Variants in ZBED6 observed in about 807,000 individuals in gnomAD.
ZBED6 encodes the protein zinc finger BED-type containing 6, also known as zinc finger BED domain-containing protein 6.
ZBED6 carries 40 observed loss-of-function variants against 58.4 expected under a neutral mutation model. The observed-to-expected ratio is 0.68, with a 90% confidence interval of 0.53 to 0.89. ZBED6 has a LOEUF of 0.89. ZBED6 is among the 40% of genes least tolerant of loss of function. The pLI is 0.00. For missense variants in ZBED6, 1,057 were observed against 1,003.9 expected, an observed-to-expected ratio of 1.05 and a Z score of -0.71; for synonymous variants, 439 against 350.6, an observed-to-expected ratio of 1.25 and a Z score of -2.82.
chr1:203,840,934 A>C (rs1168814272), intron 11 of ZBED6, among the ~76,000 whole-genome samples: 1 of 152,128 alleles, frequency 6.6e-6, no homozygotes, highest in Non-Finnish European at 1.5e-5. Flanking sequence ...GCACCCGGCT[A>C]AATAGTAGGA....
chr1:203,819,560 G>A (rs1355492562), intron 3 of ZBED6, among the ~76,000 whole-genome samples: 1 of 77,008 alleles, frequency 1.3e-5, no homozygotes, highest in Non-Finnish European at 2.6e-5. Flanking sequence ...TTGAGACAGA[G>A]TTTTGCTCTT....
intron 10 of ZBED6, among the ~76,000 whole-genome samples, chr1:203,838,352 AAC>A (rs1685018344): frequency 6.6e-6 from 1 of 152,250 alleles, no homozygotes; most frequent in South Asian, 2.1e-4. Context: ...GTGTTATGGT[AAC>A]ACATAGGAGA....
Position 203,798,371 on chromosome 1 carries a change from T to A in ZBED6, c.849T>A (p.Ala283=). Residue 283 remains alanine (A), a synonymous_variant, in exon 1 of 17, where the codon GCT becomes GCA. Coordinates refer to ENST00000550078, the Ensembl canonical transcript of ZBED6. ...CTGATCCTCAGCACATCTCAAGAGC[T>A]GTGTGTAATATATGTAAAAGAAGTG... The A allele has an allele frequency of 2.0e-6, 3 of 1,535,240 alleles. No individual in the cohort carries two copies. The South Asian group carries it at 3.6e-5, about 18-fold the overall frequency.
chr1:203,848,689 C>T (rs954469382), intron 13 of ZBED6, among the ~76,000 whole-genome samples: 6 of 152,148 alleles, frequency 3.9e-5, no homozygotes, highest in Admixed American at 1.3e-4. Context: ...AGATTGAGAC[C>T]GTCCTGGCTA....
At chr1:203,810,871 C>G (rs1196518439) in intron 1 of ZBED6, among the ~76,000 whole-genome samples, 1 of 151,774 alleles carries the variant, frequency 6.6e-6, no homozygotes, top group Admixed American at 6.6e-5. Flanking sequence ...ACGCTCACGC[C>G]TGTAATCCCA....
intron 1 of ZBED6, among the ~76,000 whole-genome samples, chr1:203,803,816 A>T (rs1006684444): frequency 2.6e-5 from 4 of 152,166 alleles, no homozygotes; most frequent in Non-Finnish European, 5.9e-5. Flanking sequence ...TGTGTTGCCC[A>T]GGCTGTTCTC....
intron 6 of ZBED6, 107 bp downstream of exon 6, chr1:203,830,003 A>G (rs578243095): frequency 1.2e-4 from 152 of 1,278,770 alleles, no homozygotes; most frequent in Admixed American, 8.3e-4. Context: ...CTACACGCAT[A>G]CTTACCTATA....
intron 11 of ZBED6, among the ~76,000 whole-genome samples, chr1:203,843,511 A>G (rs1284187284): frequency 6.6e-6 from 1 of 152,172 alleles, no homozygotes; most frequent in East Asian, 1.9e-4. Context: ...TAGACAAGGA[A>G]TTGACAATTT....
chr1:203,841,178 T>C (rs925140915), intron 11 of ZBED6, among the ~76,000 whole-genome samples: 1 of 151,744 alleles, frequency 6.6e-6, no homozygotes, highest in African/African-American at 2.4e-5. Flanking sequence ...TAGTATTTAT[T>C]GATCATTCTT....
exon 1 of ZBED6, chr1:203,797,752 A>G: frequency 6.5e-7 from 1 of 1,535,698 alleles, no homozygotes; most frequent in Non-Finnish European, 8.7e-7. Flanking sequence ...AGGCGTCGAA[A>G]AAAATTGATT....
At chr1:203,837,641 T>A (rs1401782657) in intron 9 of ZBED6, among the ~76,000 whole-genome samples, 1 of 151,988 alleles carries the variant, frequency 6.6e-6, no homozygotes, top group African/African-American at 2.4e-5. Context: ...TGCCTGACTA[T>A]TTTTTATTTT....
At chr1:203,839,834 C>T (rs1341305485) in intron 10 of ZBED6, among the ~76,000 whole-genome samples, 1 of 152,048 alleles carries the variant, frequency 6.6e-6, no homozygotes, top group African/African-American at 2.4e-5. Context: ...GACAGAGTCT[C>T]ACTCTGTCAC....
Position 203,817,984 on chromosome 1 carries a change from T to C in ZBED6, c.*2754-586T>C, listed in dbSNP as rs892134463. ...GGCTTGTCTTGAACTCCTGACCTTGTGATCTGCCCGCCTCGGCCTCCCAAA... is the reference window on the plus strand; with the variant it reads ...GGCTTGTCTTGAACTCCTGACCTTGCGATCTGCCCGCCTCGGCCTCCCAAA... On this transcript the variant is annotated intron_variant, in intron 2 of 16. Coordinates refer to ENST00000550078, the Ensembl canonical transcript of ZBED6. Among the ~76,000 whole-genome samples, 14 of 152,108 alleles carry C rather than the reference T, an allele frequency of 9.2e-5. No individual in the cohort carries two copies. In the East Asian group the frequency reaches 2.1e-3, roughly 23 times the overall value.
chr1:203,834,323 G>C (rs1335029675), intron 9 of ZBED6, among the ~76,000 whole-genome samples: 1 of 152,206 alleles, frequency 6.6e-6, no homozygotes, highest in Non-Finnish European at 1.5e-5. Context: ...CCAGGCTGGA[G>C]TGCAGTGGTG....
intron 1 of ZBED6, among the ~76,000 whole-genome samples, chr1:203,808,563 T>G (rs1251691635): frequency 6.6e-6 from 1 of 152,232 alleles, no homozygotes; most frequent in African/African-American, 2.4e-5. Flanking sequence ...GGATTTCTAT[T>G]TATAGAAATT....
At chr1:203,812,329 A>G (rs1362255815) in intron 1 of ZBED6, among the ~76,000 whole-genome samples, 3 of 151,960 alleles carry the variant, frequency 2.0e-5, no homozygotes, top group Admixed American at 6.6e-5. Flanking sequence ...TATGTGTCCA[A>G]GTGTTCTCAG....
intron 1 of ZBED6, among the ~76,000 whole-genome samples, chr1:203,811,222 C>T (rs1184988617): frequency 6.6e-6 from 1 of 151,674 alleles, no homozygotes; most frequent in Non-Finnish European, 1.5e-5. Context: ...GCAGGCGACT[C>T]ACTTGAACCC....
At chr1:203,842,570 A>G (rs1363708487) in intron 11 of ZBED6, among the ~76,000 whole-genome samples, 1 of 147,396 alleles carries the variant, frequency 6.8e-6, no homozygotes, top group African/African-American at 2.5e-5. Context: ...CTTGGCTTTC[A>G]CAACTTTGGT....
intron 11 of ZBED6, among the ~76,000 whole-genome samples, chr1:203,845,164 T>G (rs1218673205): frequency 1.3e-5 from 2 of 152,222 alleles, no homozygotes; most frequent in African/African-American, 2.4e-5. Flanking sequence ...ACATCTGCTT[T>G]CTGTTTTAGA....
Sources: gnomAD v4.1 joint callset for allele counts (sites outside exome capture counted in the v4.1 genomes callset) on GRCh38, gnomAD v4.1.1 for gene constraint, MANE v1.5 for transcripts, NCBI Gene and HGNC (gene_info 2026-07-23, HGNC 2026-07-21) for gene names.